The following COL15A1 variants were observed in gnomAD, a reference collection of about 807,000 sequenced individuals.
COL15A1 encodes the protein collagen type XV alpha 1 chain.
In COL15A1, 111 loss-of-function variants were observed where a neutral mutation model predicts 165.9. The ratio of observed to expected loss-of-function variants is 0.67; its 90% CI spans 0.57 to 0.78. COL15A1 has a LOEUF of 0.78. Ranked by LOEUF, COL15A1 falls within the 30% of genes least tolerant of loss-of-function variation. The pLI, the probability that COL15A1 is intolerant of heterozygous loss-of-function variation, is 0.00. For missense variants in COL15A1, 1,745 were observed against 1,789.7 expected, an observed-to-expected ratio of 0.98 and a Z score of 0.45; for synonymous variants, 659 against 674.8, an observed-to-expected ratio of 0.98 and a Z score of 0.36.
chr9:98,998,220 A>C (rs1838582030), intron 6 of COL15A1, among the ~76,000 whole-genome samples: 1 of 152,182 alleles, frequency 6.6e-6, no homozygotes, highest in South Asian at 2.1e-4. Context: ...AGGATTATGG[A>C]TGGTTTTTAC....
Position 98,944,337 on chromosome 9 carries a change from T to A in COL15A1, c.100+87T>A, listed in dbSNP as rs1588484596. 8.5e-6 allele frequency: 11 copies of A among 1,295,448 alleles called. No individual in the cohort carries two copies. In the East Asian group the frequency reaches 2.5e-4, roughly 29 times the overall value. 80.2% of individuals were successfully genotyped at this position (1,295,448 alleles called of 1,614,324 possible). A position where few individuals can be genotyped will look rare whatever the true frequency, so the allele number is the denominator to read the frequency against. On this transcript the variant is annotated intron_variant, in intron 2 of 41. Coordinates refer to ENST00000375001, the MANE Select transcript of COL15A1 (RefSeq NM_001855.5). ...TGGCGGCGGACGCGGCTGCGATGCG[T>A]GCCTCATTCCTGGACATAAAAGGGA...
chr9:99,058,874 C>T (rs1425082503), intron 35 of COL15A1, among the ~76,000 whole-genome samples: 1 of 152,126 alleles, frequency 6.6e-6, no homozygotes, highest in Non-Finnish European at 1.5e-5. Context: ...TGGAACTGAA[C>T]ATTTGCTTGC....
At chr9:99,062,931 A>G in intron 38 of COL15A1, 119 bp from the exon 39 acceptor site, 1 of 1,271,434 alleles carries the variant, frequency 7.9e-7, no homozygotes, top group South Asian at 1.5e-5. Flanking sequence ...ACAGTTACAG[A>G]CAATGGCAAA....
chr9:99,020,044 T>C (rs1413908195), intron 11 of COL15A1, among the ~76,000 whole-genome samples: 2 of 152,224 alleles, frequency 1.3e-5, no homozygotes, highest in African/African-American at 4.8e-5. Flanking sequence ...TTAACAAATA[T>C]ATGGAGAATG....
At chr9:99,023,499 A>T in intron 14 of COL15A1, 50 bp downstream of exon 14, 1 of 894,232 alleles carries the variant, frequency 1.1e-6, no homozygotes, top group Non-Finnish European at 1.9e-6. Flanking sequence ...CCTTCAAAAT[A>T]ACCCCAGAGG....
chr9:98,986,192 T>C (rs780107118), intron 3 of COL15A1, 80 bp downstream of exon 3: 8 of 1,109,042 alleles, frequency 7.2e-6, no homozygotes, highest in Non-Finnish European at 1.0e-5. Context: ...CAACTATTAT[T>C]GTTATTATTT....
chr9:99,016,079 T>A lies in COL15A1; in HGVS notation c.1607T>A (p.Leu536Gln). Residue 536 changes from leucine (L) to glutamine (Q), a missense_variant, in exon 11 of 42, where the codon CTG (leucine) becomes CAG (glutamine). Physicochemically the swap from Leu to Gln is moderately radical, Grantham distance 113 (BLOSUM62 -2). Coordinates refer to ENST00000375001, the MANE Select transcript of COL15A1 (RefSeq NM_001855.5). ...SGSPPPDGPP[L>Q]PLPTVAPERW... is the part of the protein sequence containing the mutation. The stretch of plus-strand genomic sequence containing the variant: ...AGCCCTCCCCCTGATGGGCCACCGC[T>A]GCCCCTGCCCACAGTGGCTCCTGAA... 3.1e-6 allele frequency: 5 copies of A among 1,613,774 alleles called. No individual in the cohort carries two copies. Among genetic ancestry groups the A allele is most frequent in the Non-Finnish European group, 4.2e-6 (5 of 1,179,826 alleles).
rs112298774 is a variant in COL15A1, at chr9:99,069,266, A to G, written c.3954-407A>G. 5.5e-3 allele frequency among the ~76,000 whole-genome samples: 837 copies of G among 152,326 alleles called. 7 individuals are homozygous for G. The highest frequency in any genetic ancestry group is 0.019 in the African/African-American group (799 of 41,574). ...GACAGAATATTGTAATTGTAAGTGG[A>G]GAAACAGGTACCATAGGATATACAG... is the stretch of plus-strand genomic sequence containing the variant. On this transcript the variant is annotated intron_variant, in intron 41 of 41. Coordinates refer to ENST00000375001, the MANE Select transcript of COL15A1 (RefSeq NM_001855.5).
chr9:98,995,046 T>A (rs971052466), intron 5 of COL15A1, among the ~76,000 whole-genome samples: 2 of 152,136 alleles, frequency 1.3e-5, no homozygotes, highest in African/African-American at 4.8e-5. Context: ...AAATGCCTTA[T>A]AGAGCACCTT....
intron 16 of COL15A1, among the ~76,000 whole-genome samples, chr9:99,026,770 C>T (rs1839134206): frequency 6.6e-6 from 1 of 152,158 alleles, no homozygotes; most frequent in African/African-American, 2.4e-5. Context: ...GCAGAAAGCA[C>T]CCCTCCTTCC....
In COL15A1 at chr9:99,040,540, G is replaced by A; in HGVS notation, c.2495G>A (p.Gly832Glu). 1 of 1,614,116 alleles carries A rather than the reference G, an allele frequency of 6.2e-7. No individual in the cohort carries two copies. Among genetic ancestry groups the A allele is most frequent in the Non-Finnish European group, 8.5e-7 (1 of 1,180,018 alleles). ...TCACAGGGGCCGGACGGGTTGCCTG[G>A]GCTGCCAGGATTTCCAGTAAGTACC... ...VGPPGPDGLP[G>E]LPGFPGPRGP... The change falls in exon 23 of 42, where the codon GGG becomes GAG. Residue 832 changes from glycine (G) to glutamate (E), a missense_variant. Coordinates refer to ENST00000375001, the MANE Select transcript of COL15A1 (RefSeq NM_001855.5).
At chr9:99,020,358 G>A (rs1209816691) in intron 11 of COL15A1, 31 bp from the exon 12 acceptor site, 1 of 1,572,752 alleles carries the variant, frequency 6.4e-7, no homozygotes, top group Non-Finnish European at 8.8e-7. Flanking sequence ...ATATGTTGTG[G>A]CCACGTTTTA....
chr9:98,986,289 G>A (rs1010489487), intron 3 of COL15A1, 177 bp downstream of exon 3: 2 of 586,074 alleles, frequency 3.4e-6, no homozygotes, highest in African/African-American at 3.7e-5. Context: ...TCCATCCTCA[G>A]TTTTCAACTT....
At chr9:98,955,423 T>C (rs1430599754) in intron 2 of COL15A1, among the ~76,000 whole-genome samples, 2 of 152,226 alleles carry the variant, frequency 1.3e-5, no homozygotes, top group South Asian at 2.1e-4. Context: ...TTCCCCAGCA[T>C]CTGACATGGC....
intron 30 of COL15A1, among the ~76,000 whole-genome samples, chr9:99,050,166 A>C (rs1179229935): frequency 6.6e-6 from 1 of 152,218 alleles, no homozygotes. Context: ...CGACCACATT[A>C]GCTTCATGCT....
chr9:98,950,676 C>A (rs1160959800), intron 2 of COL15A1, among the ~76,000 whole-genome samples: 1 of 150,396 alleles, frequency 6.6e-6, no homozygotes, highest in Non-Finnish European at 1.5e-5. Context: ...TGGTGGCCGG[C>A]CCATCTTGGC....
In COL15A1 at chr9:98,998,194, G is replaced by A. The variant is rs533774140; in HGVS notation, c.952+1113G>A. 7.9e-5 allele frequency among the ~76,000 whole-genome samples: 12 copies of A among 152,300 alleles called. No homozygotes were observed. In the South Asian group the frequency reaches 2.5e-3, roughly 32 times the overall value. On this transcript the variant is annotated intron_variant, in intron 6 of 41. Transcript: ENST00000375001. Reference sequence around the variant, plus strand: ...AATATTCATCAAAATGTTATAAGCAGTTATCTCTGAGTGGTAGGATTATGG... The same window carrying A: ...AATATTCATCAAAATGTTATAAGCAATTATCTCTGAGTGGTAGGATTATGG...
At chr9:99,028,362 G>A (rs1228302354) in intron 16 of COL15A1, among the ~76,000 whole-genome samples, 1 of 152,084 alleles carries the variant, frequency 6.6e-6, no homozygotes, top group East Asian at 1.9e-4. Flanking sequence ...GCATAAGAAT[G>A]ATATAACAGG....
chr9:98,946,650 C>T (rs982926327), intron 2 of COL15A1, among the ~76,000 whole-genome samples: 1 of 152,244 alleles, frequency 6.6e-6, no homozygotes, highest in African/African-American at 2.4e-5. Context: ...CTGTTCCTTC[C>T]ATAGGACCAC....
Sources: allele counts gnomAD v4.1 joint callset (sites outside exome capture counted in the v4.1 genomes callset), GRCh38; gene constraint gnomAD v4.1.1; transcripts MANE v1.5; gene names NCBI Gene and HGNC (gene_info 2026-07-23, HGNC 2026-07-21).